Variants in PLPP3 observed in about 807,000 individuals in gnomAD.
PLPP3 encodes PAP2 beta.
PLPP3 carries 6 observed loss-of-function variants against 29.6 expected under a neutral mutation model. The observed-to-expected ratio is 0.20, with a 90% CI of 0.11 to 0.40. PLPP3 has a LOEUF of 0.40. Ranked by LOEUF, PLPP3 falls within the 10% of genes least tolerant of loss-of-function variation. PLPP3 has a pLI of 1.00. For synonymous variants in PLPP3, 152 were observed against 159.7 expected (o/e 0.95, Z 0.36); for missense variants, 308 against 407.7 (o/e 0.76, Z 2.11).
intron 1 of PLPP3, among the ~76,000 whole-genome samples, chr1:56,545,429 C>T (rs781546733): frequency 6.6e-6 from 1 of 152,172 alleles, no homozygotes; most frequent in Non-Finnish European, 1.5e-5. Context: ...CTGTCCAAAG[C>T]TCATGCAAGT....
At chr1:56,509,705 G>A (rs1557498494) in intron 5 of PLPP3, among the ~76,000 whole-genome samples, 3 of 152,088 alleles carry the variant, frequency 2.0e-5, no homozygotes, top group East Asian at 1.9e-4. Flanking sequence ...CAGGCATGAC[G>A]GTGGGTGCCT....
chr1:56,525,835 C>T (rs1281844745), intron 2 of PLPP3, among the ~76,000 whole-genome samples: 1 of 152,124 alleles, frequency 6.6e-6, no homozygotes, highest in Non-Finnish European at 1.5e-5. Context: ...CACTCCTTTG[C>T]AAAGGCTCCC....
Position 56,524,553 on chromosome 1 carries a change from A to T in PLPP3, c.299T>A (p.Ile100Asn). 3 of 1,604,582 alleles carry T rather than the reference A, an allele frequency of 1.9e-6. No individual in the cohort carries two copies. In the South Asian group the frequency reaches 3.3e-5, roughly 18 times the overall value. The stretch of plus-strand genomic sequence containing the variant: ...GATCCGGTAGAATTCCCCCGTGATG[A>T]TCTAAAAGGAATCCAACAGGGGAAT... ...AVGIVIAILA[I>N]ITGEFYRIYY... Residue 100 changes from isoleucine to asparagine, a missense_variant and splice_region_variant, in exon 3 of 6, where the codon ATC (isoleucine) becomes AAC (asparagine). Around this residue, in one of 3 missense-constraint regions of PLPP3, gnomAD observed 232 missense variants for 317.2 expected, o/e 0.73. Coordinates refer to ENST00000371250, the MANE Select transcript of PLPP3 (RefSeq NM_003713.5). The surrounding 1 kb of genome is among the most constrained non-coding windows in gnomAD (Gnocchi z 4.3).
intron 5 of PLPP3, among the ~76,000 whole-genome samples, 153 bp downstream of exon 5, chr1:56,511,823 T>TCCTAAGG (rs1270128975): frequency 6.6e-6 from 1 of 151,250 alleles, no homozygotes; most frequent in African/African-American, 2.4e-5. Flanking sequence ...ACTGAAGGAG[T>TCCTAAGG]CCTAAGGCCT....
At chr1:56,533,355 G>T (rs568131117) in intron 2 of PLPP3, among the ~76,000 whole-genome samples, 1 of 152,236 alleles carries the variant, frequency 6.6e-6, no homozygotes, top group East Asian at 1.9e-4. Context: ...TCGAGATGGG[G>T]TAGCTGCTAA....
intron 5 of PLPP3, among the ~76,000 whole-genome samples, chr1:56,503,834 G>A (rs2100223209): frequency 6.6e-6 from 1 of 152,312 alleles, no homozygotes; most frequent in Admixed American, 6.5e-5. Context: ...AGGCTGGAGT[G>A]CAGTGCACGA....
At chr1:56,537,908 T>G (rs978134889) in intron 1 of PLPP3, among the ~76,000 whole-genome samples, 1 of 152,106 alleles carries the variant, frequency 6.6e-6, no homozygotes, top group Admixed American at 6.5e-5. Flanking sequence ...CAGATACTAT[T>G]CTCTCAAAGG....
At chr1:56,562,042 A>C (rs1646133545) in intron 1 of PLPP3, among the ~76,000 whole-genome samples, 1 of 128,516 alleles carries the variant, frequency 7.8e-6, no homozygotes, top group Admixed American at 7.4e-5. Context: ...TTCACAAAAA[A>C]AAAAAAAAAA....
At chr1:56,545,470 G>C (rs552319990) in intron 1 of PLPP3, among the ~76,000 whole-genome samples, 1 of 152,068 alleles carries the variant, frequency 6.6e-6, no homozygotes, top group Non-Finnish European at 1.5e-5. Context: ...CTTCCCATAC[G>C]CAATCTAATC....
intron 5 of PLPP3, among the ~76,000 whole-genome samples, chr1:56,508,126 G>C (rs1645715586): frequency 6.6e-6 from 1 of 152,204 alleles, no homozygotes. Flanking sequence ...AGCAGCCAGA[G>C]GCAGCTAATA....
intron 5 of PLPP3, among the ~76,000 whole-genome samples, chr1:56,508,096 A>C (rs1557497983): frequency 6.6e-6 from 1 of 152,182 alleles, no homozygotes; most frequent in East Asian, 1.9e-4. Flanking sequence ...TAAGCCACTA[A>C]ATTTGTGGTA....
chr1:56,508,300 G>A (rs1301095216), intron 5 of PLPP3, among the ~76,000 whole-genome samples: 1 of 152,198 alleles, frequency 6.6e-6, no homozygotes, highest in Non-Finnish European at 1.5e-5. Flanking sequence ...CCTGGGTCTT[G>A]GAGTGCCAGC....
intron 4 of PLPP3, 23 bp downstream of exon 4, chr1:56,523,800 C>G: frequency 6.2e-7 from 1 of 1,608,320 alleles, no homozygotes; most frequent in Non-Finnish European, 8.5e-7. Context: ...GAGCACTGCT[C>G]AAATCAAAGG....
At chr1:56,522,672 G>C (rs1371296491) in intron 4 of PLPP3, among the ~76,000 whole-genome samples, 4 of 149,128 alleles carry the variant, frequency 2.7e-5, no homozygotes, top group Non-Finnish European at 4.4e-5. Flanking sequence ...GAAAGGATTG[G>C]GGGGAAAAAT....
At chr1:56,518,513 G>A (rs1645797340) in intron 4 of PLPP3, among the ~76,000 whole-genome samples, 1 of 152,016 alleles carries the variant, frequency 6.6e-6, no homozygotes, top group African/African-American at 2.4e-5. Flanking sequence ...CCGTGATGAG[G>A]AGACAAAAAA....
intron 2 of PLPP3, among the ~76,000 whole-genome samples, chr1:56,533,223 T>A (rs1006147650): frequency 3.9e-5 from 6 of 152,076 alleles, no homozygotes; most frequent in Non-Finnish European, 8.8e-5. Context: ...CCCAGCTTAT[T>A]TTTATACTTT....
chr1:56,570,841 T>C (rs1646193001), intron 1 of PLPP3, among the ~76,000 whole-genome samples: 1 of 152,204 alleles, frequency 6.6e-6, no homozygotes, highest in African/African-American at 2.4e-5. Context: ...TGGCACCTGT[T>C]CCAGCTCAAA....
chr1:56,555,433 T>TAAAAAAAAAAAAAAAAAAAAAAAAAAC (rs1646068490), intron 1 of PLPP3, among the ~76,000 whole-genome samples: 1 of 33,216 alleles, frequency 3.0e-5, no homozygotes, highest in Non-Finnish European at 5.4e-5. Flanking sequence ...GGCCAAACAC[T>TAAAAAAAAAAAAAAAAAAAAAAAAAAC]AAAAAAAAAA....
intron 1 of PLPP3, among the ~76,000 whole-genome samples, chr1:56,557,563 T>C (rs1569595761): frequency 6.6e-6 from 1 of 152,142 alleles, no homozygotes; most frequent in Non-Finnish European, 1.5e-5. Flanking sequence ...ATTAAGTGGG[T>C]GAATGAATGC....
Sources: allele counts gnomAD v4.1 joint callset (sites outside exome capture counted in the v4.1 genomes callset), GRCh38; gene constraint gnomAD v4.1.1; regional missense constraint gnomAD v4.1.1; non-coding constraint Gnocchi (gnomAD v3.1); transcripts MANE v1.5; gene names NCBI Gene and HGNC (gene_info 2026-07-23, HGNC 2026-07-21).